The following UNC79 variants were observed in gnomAD, a reference collection of about 807,000 sequenced individuals.
UNC79 encodes unc-79 subunit of NALCN channel complex, also known as protein unc-79 homolog.
UNC79 carries 37 observed loss-of-function variants against 283.1 expected under a neutral mutation model. The observed-to-expected ratio is 0.13, with a 90% CI of 0.10 to 0.17. The LOEUF is 0.17. UNC79 is among the 10% of genes least tolerant of loss of function. The probability of loss-of-function intolerance (pLI) is 1.00; values close to 1 mark genes in which losing one functional copy is unlikely to be tolerated. For missense variants in UNC79, 2,272 were observed against 3,211.1 expected, an observed-to-expected ratio of 0.71 and a Z score of 7.07; for synonymous variants, 1,107 against 1,200.2, an observed-to-expected ratio of 0.92 and a Z score of 1.61.
At chr14:93,397,798 C>A (rs1369951427) in intron 1 of UNC79, among the ~76,000 whole-genome samples, 2 of 144,810 alleles carry the variant, frequency 1.4e-5, no homozygotes, top group African/African-American at 2.6e-5. Flanking sequence ...GTGGTGTGCA[C>A]CTGGAATTCC....
At chr14:93,572,273 T>C (rs2063247706) in intron 15 of UNC79, among the ~76,000 whole-genome samples, 189 bp downstream of exon 15, 1 of 152,230 alleles carries the variant, frequency 6.6e-6, no homozygotes, top group Non-Finnish European at 1.5e-5. Context: ...GATTTGGCAT[T>C]GTCCAGAAAA....
chr14:93,365,257 G>A (rs1239408944), intron 1 of UNC79, among the ~76,000 whole-genome samples: 2 of 151,824 alleles, frequency 1.3e-5, no homozygotes, highest in Non-Finnish European at 2.9e-5. Flanking sequence ...GTGGTGGCAG[G>A]TGCCTATAAT....
At chr14:93,424,753 G>A (rs1229004649) in intron 1 of UNC79, among the ~76,000 whole-genome samples, 1 of 151,940 alleles carries the variant, frequency 6.6e-6, no homozygotes, top group East Asian at 1.9e-4. Context: ...GAGGGTTAAT[G>A]GGTACAAAAA....
At chr14:93,674,723 G>A (rs184142569) in intron 41 of UNC79, among the ~76,000 whole-genome samples, 8 of 152,306 alleles carry the variant, frequency 5.3e-5, no homozygotes, top group African/African-American at 1.9e-4. Flanking sequence ...TGAGAGAGAA[G>A]GGAACACTAA....
rs562080433 is a variant in UNC79 at position 93,577,149 on chromosome 14, G to A, written c.2212-693G>A. Among the ~76,000 whole-genome samples, 30 of 152,218 alleles carry A rather than the reference G, an allele frequency of 2.0e-4. 1 individual carries two copies. In the South Asian group the frequency reaches 3.1e-3, roughly 16 times the overall value. On this transcript the variant is annotated intron_variant, in intron 17 of 48. Transcript: ENST00000555664. The stretch of plus-strand genomic sequence containing the variant: ...TGAGAGGTCAAGCCTGCAGAGAGCC[G>A]TGATCATGCCACTGCACTCCAGCTT...
chr14:93,628,216 T>C (rs2067719082), intron 30 of UNC79, among the ~76,000 whole-genome samples: 1 of 152,174 alleles, frequency 6.6e-6, no homozygotes, highest in Non-Finnish European at 1.5e-5. Context: ...GTGGTCCTAG[T>C]CCTCATTGGC....
intron 1 of UNC79, among the ~76,000 whole-genome samples, chr14:93,362,977 C>A (rs1196118669): frequency 6.6e-6 from 1 of 151,860 alleles, no homozygotes; most frequent in East Asian, 1.9e-4. Flanking sequence ...TTCAGCCTAG[C>A]TCTAATATGA....
chr14:93,354,743 C>T (rs1035364247), intron 1 of UNC79, among the ~76,000 whole-genome samples: 6 of 152,154 alleles, frequency 3.9e-5, no homozygotes, highest in Non-Finnish European at 8.8e-5. Flanking sequence ...CTCAAGTAAT[C>T]CTCCTGCCTT....
intron 32 of UNC79, among the ~76,000 whole-genome samples, chr14:93,640,467 A>C (rs1351548860): frequency 6.6e-6 from 1 of 152,076 alleles, no homozygotes; most frequent in Non-Finnish European, 1.5e-5. Context: ...TGTCTTTACA[A>C]AAACTTAAAA....
intron 1 of UNC79, among the ~76,000 whole-genome samples, chr14:93,411,246 G>A (rs1257517594): frequency 6.6e-6 from 1 of 152,182 alleles, no homozygotes; most frequent in Admixed American, 6.5e-5. Context: ...AAAGGACTGT[G>A]TCTTCTGATT....
chr14:93,691,258 T>C (rs956544726), intron 45 of UNC79: 6 of 172,388 alleles, frequency 3.5e-5, no homozygotes, highest in Admixed American at 2.7e-4. Flanking sequence ...GTGTTGTAGG[T>C]GCTCTCTCTG....
At chr14:93,696,784 AT>A (rs1432958360) in intron 47 of UNC79, among the ~76,000 whole-genome samples, 1 of 151,734 alleles carries the variant, frequency 6.6e-6, no homozygotes, top group African/African-American at 2.4e-5. Context: ...CCATTTACCA[AT>A]TTTTTTCTTT....
chr14:93,377,020 C>G (rs892718404), intron 1 of UNC79, among the ~76,000 whole-genome samples: 9 of 150,508 alleles, frequency 6.0e-5, no homozygotes, highest in African/African-American at 2.2e-4. Flanking sequence ...ACAGACTTCA[C>G]TGACTGCATT....
intron 4 of UNC79, among the ~76,000 whole-genome samples, chr14:93,485,519 T>C (rs2058373842): frequency 6.6e-6 from 1 of 152,066 alleles, no homozygotes; most frequent in Admixed American, 6.6e-5. Flanking sequence ...AGCATCTTCT[T>C]TGGCCCCAAA....
At chr14:93,500,191 G>T (rs2059213554) in intron 7 of UNC79, among the ~76,000 whole-genome samples, 1 of 152,276 alleles carries the variant, frequency 6.6e-6, no homozygotes, top group South Asian at 2.1e-4. Flanking sequence ...CCCGAGAAAG[G>T]TTCAGTCAAA....
At chr14:93,527,436 AC>A (rs1179430189) in intron 8 of UNC79, among the ~76,000 whole-genome samples, 1 of 152,230 alleles carries the variant, frequency 6.6e-6, no homozygotes, top group Non-Finnish European at 1.5e-5. Flanking sequence ...CAAAGCAGTT[AC>A]TCATTACGTC....
Position 93,347,303 on chromosome 14 carries a change from G to A in UNC79, c.-351+13780G>A, listed in dbSNP as rs752878344. The A allele has an allele frequency of 6.2e-6, 10 of 1,605,418 alleles. No individual in the cohort carries two copies. In the South Asian group the frequency reaches 8.8e-5, roughly 14 times the overall value. On this transcript the variant is annotated intron_variant, in intron 1 of 49. Transcript: ENST00000256339. ...CTGCGTGGGCGCTGTCCTGCCCGCC[G>A]CCACTACCGCCGCTTGGCCCTGCTC...
chr14:93,502,619 A>G (rs2059351029), intron 7 of UNC79, among the ~76,000 whole-genome samples: 1 of 152,198 alleles, frequency 6.6e-6, no homozygotes, highest in Non-Finnish European at 1.5e-5. Flanking sequence ...TTCCTGTTAC[A>G]GTGTCCCAAC....
At chr14:93,542,838 T>A in intron 14 of UNC79, 142 bp downstream of exon 14, 1 of 755,552 alleles carries the variant, frequency 1.3e-6, no homozygotes, top group Non-Finnish European at 2.2e-6. Flanking sequence ...ATGAATTTAG[T>A]AACTGTATCT....
Sources: gnomAD v4.1 joint callset for allele counts (sites outside exome capture counted in the v4.1 genomes callset) on GRCh38, gnomAD v4.1.1 for gene constraint, MANE v1.5 for transcripts, NCBI Gene and HGNC (gene_info 2026-07-23, HGNC 2026-07-21) for gene names.